Variants in CTNNA2 observed in about 807,000 individuals in gnomAD.
CTNNA2 encodes catenin alpha 2.
Under a neutral mutation model 101.0 loss-of-function variants are expected in CTNNA2, and 42 were observed. The observed-to-expected ratio is 0.42, with a 90% confidence interval of 0.32 to 0.54. CTNNA2 has a LOEUF of 0.54. Ranked by LOEUF, CTNNA2 falls within the 20% of genes least tolerant of loss-of-function variation. The probability of loss-of-function intolerance (pLI) is 0.14; values close to 1 mark genes in which losing one functional copy is unlikely to be tolerated. For synonymous variants in CTNNA2, 450 were observed against 456.4 expected, an observed-to-expected ratio of 0.99 and a Z score of 0.18; for missense variants, 871 against 1,223.1, an observed-to-expected ratio of 0.71 and a Z score of 4.29.
chr2:80,117,112 C>T (rs1380635539), intron 7 of CTNNA2, among the ~76,000 whole-genome samples: 1 of 152,112 alleles, frequency 6.6e-6, no homozygotes, highest in African/African-American at 2.4e-5. Context: ...TCGAGATACT[C>T]ACAAGCTATT....
chr2:79,874,219 G>A lies in CTNNA2; in HGVS notation c.729G>A (p.Val243=), dbSNP rs781442248. ...VAATRANRDY[V]FKQVQEAIAG... ...CTACGAGAGCCAACCGAGATTATGT[G>A]TTCAAACAAGTCCAGGAGGCCATCG... Residue 243 remains valine, a synonymous_variant, in exon 6 of 19, where the codon GTG becomes GTA. Transcript: ENST00000402739. 4 of 1,614,126 alleles carry A rather than the reference G, an allele frequency of 2.5e-6. No homozygotes were observed. The South Asian group carries it at 3.3e-5, about 13-fold the overall frequency.
intron 3 of CTNNA2, among the ~76,000 whole-genome samples, chr2:79,833,757 G>A (rs147958069): frequency 1.3e-5 from 2 of 152,196 alleles, no homozygotes; most frequent in Non-Finnish European, 2.9e-5. Flanking sequence ...CTCTACCATA[G>A]AGCAGTCTTG....
chr2:79,226,842 G>A lies in CTNNA2; in HGVS notation c.-406+28766G>A, dbSNP rs147301566. On this transcript the variant is annotated intron_variant, in intron 2 of 21. Transcript: ENST00000466387. The stretch of plus-strand genomic sequence containing the variant: ...TGGCAGAGCTCATGGGGATGTTTCT[G>A]AGATACAGGTAACTTCATCTTAGCA... Among the ~76,000 whole-genome samples, 9 of 152,222 alleles carry A rather than the reference G, an allele frequency of 5.9e-5. No individual in the cohort carries two copies. The East Asian group carries it at 1.7e-3, about 30-fold the overall frequency.
At chr2:80,567,247 T>TA (rs76276947) in intron 12 of CTNNA2, among the ~76,000 whole-genome samples, 63,120 of 151,938 alleles carry the variant, frequency 0.42, 13,320 homozygotes, top group South Asian at 0.6. Context: ...CATTCGTTAC[T>TA]AAAATCACTA....
At chr2:79,745,276 A>G (rs1434275357) in intron 3 of CTNNA2, among the ~76,000 whole-genome samples, 3 of 151,992 alleles carry the variant, frequency 2.0e-5, no homozygotes. Context: ...ACTAAAATAC[A>G]AAAAATTAGC....
At chr2:80,609,577 A>AAG (rs2149786782) in intron 17 of CTNNA2, among the ~76,000 whole-genome samples, 2 of 151,882 alleles carry the variant, frequency 1.3e-5, no homozygotes, top group African/African-American at 4.8e-5. Flanking sequence ...GGTAATTACC[A>AAG]AGATTCTCTC....
At chr2:80,019,531 T>G (rs1461812652) in intron 7 of CTNNA2, among the ~76,000 whole-genome samples, 2 of 152,172 alleles carry the variant, frequency 1.3e-5, no homozygotes, top group African/African-American at 2.4e-5. Context: ...AGCTAACCAG[T>G]CAATTTGAAT....
chr2:79,256,441 A>T (rs1039104402), intron 2 of CTNNA2, among the ~76,000 whole-genome samples: 1 of 152,106 alleles, frequency 6.6e-6, no homozygotes, highest in African/African-American at 2.4e-5. Flanking sequence ...GTCACTAATG[A>T]CTATGAAATG....
Position 80,247,638 on chromosome 2 carries a change from C to T in CTNNA2, c.1057-145573C>T, listed in dbSNP as rs149735465. Among the ~76,000 whole-genome samples, 803 of 152,298 alleles carry T rather than the reference C, an allele frequency of 5.3e-3. 22 individuals carry two copies. The highest frequency in any genetic ancestry group is 0.047 in the Admixed American group (712 of 15,286). On this transcript the variant is annotated intron_variant, in intron 7 of 18. Transcript: ENST00000402739. ...ACTTTTCCTAATCAGAATCTTCTACCTCCTCAAACCTTGTTTTTCCATTCT... is the reference window on the plus strand; with the variant it reads ...ACTTTTCCTAATCAGAATCTTCTACTTCCTCAAACCTTGTTTTTCCATTCT...
intron 2 of CTNNA2, among the ~76,000 whole-genome samples, chr2:79,694,341 ATTTTCTGACAT>A (rs1330657262): frequency 6.6e-6 from 1 of 151,974 alleles, no homozygotes; most frequent in Non-Finnish European, 1.5e-5. Context: ...CAACCATTTG[ATTTTCTGACAT>A]TGTTTGGGCA....
At chr2:80,450,463 A>G (rs1229584093) in intron 9 of CTNNA2, among the ~76,000 whole-genome samples, 1 of 152,212 alleles carries the variant, frequency 6.6e-6, no homozygotes, top group Non-Finnish European at 1.5e-5. Flanking sequence ...TGCTGAGAGC[A>G]TAAAGTTAAC....
chr2:79,779,482 T>C (rs1426901987), intron 3 of CTNNA2, among the ~76,000 whole-genome samples: 1 of 152,208 alleles, frequency 6.6e-6, no homozygotes, highest in Non-Finnish European at 1.5e-5. Context: ...AATGGACACA[T>C]GTCATTCTTT....
intron 7 of CTNNA2, among the ~76,000 whole-genome samples, chr2:79,913,903 C>T (rs2104343938): frequency 6.6e-6 from 1 of 152,040 alleles, no homozygotes; most frequent in East Asian, 1.9e-4. Flanking sequence ...CACGGTGGCT[C>T]ACGCCTGTAA....
At chr2:80,559,888 A>ATT (rs1693403132) in intron 12 of CTNNA2, among the ~76,000 whole-genome samples, 3 of 144,390 alleles carry the variant, frequency 2.1e-5, no homozygotes, top group Admixed American at 1.4e-4. Flanking sequence ...TTATATATAT[A>ATT]TATACACACA....
chr2:79,286,907 T>C (rs1351065376), intron 2 of CTNNA2, among the ~76,000 whole-genome samples: 1 of 152,228 alleles, frequency 6.6e-6, no homozygotes, highest in Non-Finnish European at 1.5e-5. Context: ...AGACATAGAT[T>C]TGGTCTTTTC....
intron 7 of CTNNA2, among the ~76,000 whole-genome samples, chr2:79,983,451 G>T (rs1238702726): frequency 2.0e-5 from 3 of 152,122 alleles, no homozygotes; most frequent in Non-Finnish European, 4.4e-5. Flanking sequence ...CTAGGATAGG[G>T]AGGGTCTCCT....
chr2:80,313,394 T>C (rs1677785946), intron 7 of CTNNA2: 4 of 1,367,886 alleles, frequency 2.9e-6, no homozygotes, highest in Non-Finnish European at 3.8e-6. Flanking sequence ...CAGAGTTAGA[T>C]AAAATGTGGT....
intron 7 of CTNNA2, among the ~76,000 whole-genome samples, chr2:79,972,909 T>A (rs1190631467): frequency 6.6e-6 from 1 of 152,158 alleles, no homozygotes; most frequent in African/African-American, 2.4e-5. Context: ...TTTGGAAAGC[T>A]TTTAGCTCCT....
At chr2:79,463,544 C>A (rs895898353) in intron 4 of CTNNA2, among the ~76,000 whole-genome samples, 1 of 152,104 alleles carries the variant, frequency 6.6e-6, no homozygotes, top group Non-Finnish European at 1.5e-5. Context: ...GGGAGGGCAG[C>A]CACCTAGAAC....
Sources: allele counts gnomAD v4.1 joint callset (sites outside exome capture counted in the v4.1 genomes callset), GRCh38; gene constraint gnomAD v4.1.1; transcripts MANE v1.5; gene names NCBI Gene and HGNC (gene_info 2026-07-23, HGNC 2026-07-21).